Variants in ACOX3 observed in about 807,000 individuals in gnomAD.
ACOX3 encodes peroxisomal acyl-coenzyme A oxidase 3.
Under a neutral mutation model 81.5 loss-of-function variants are expected in ACOX3, and 73 were observed. The observed-to-expected ratio is 0.90, with a 90% CI of 0.74 to 1.09. The LOEUF is 1.09. ACOX3 is among the 50% of genes least tolerant of loss of function. The probability of loss-of-function intolerance (pLI) is 0.00; values close to 1 mark genes in which losing one functional copy is unlikely to be tolerated. For missense variants in ACOX3, 947 were observed against 928.0 expected (o/e 1.02, Z -0.27); for synonymous variants, 387 against 375.1 (o/e 1.03, Z -0.37).
chr4:8,432,639 TGG>T lies in ACOX3; in HGVS notation c.-15+8007_-15+8008del. On this transcript the variant is annotated intron_variant, in intron 1 of 17. Transcript: ENST00000356406. The surrounding 1 kb of genome is among the most constrained non-coding windows in gnomAD (Gnocchi z 6.2). ...TTCTGGCTGAGGCCCTGGAAGGTAATGGGGGCTGCTGTGAAGTGGCTGGAGCC... is the reference window on the plus strand; with the variant it reads ...TTCTGGCTGAGGCCCTGGAAGGTAATGGGCTGCTGTGAAGTGGCTGGAGCC... Among the ~76,000 whole-genome samples the T allele has an allele frequency of 6.6e-6, 1 of 152,178 alleles. No homozygotes were observed. Among genetic ancestry groups the T allele is most frequent in the Non-Finnish European group, 1.5e-5 (1 of 67,994 alleles).
Position 8,415,885 on chromosome 4 carries a change from C to T in ACOX3, c.259G>A (p.Glu87Lys), listed in dbSNP as rs371825392. ...TCTTCGACACTGAGGAAGTCATACT[C>T]GAAGATCCGCTTGCATCGAAGGAAG... is the stretch of plus-strand genomic sequence containing the variant. ...LNFLRCKRIF[E>K]YDFLSVEDMF... The change falls in exon 3 of 18, where the codon GAG becomes AAG. Residue 87 changes from glutamate (E) to lysine (K), a missense_variant. By Grantham distance (56) the Glu-to-Lys change is moderately conservative. Transcript: ENST00000356406. 7.4e-6 allele frequency: 12 copies of T among 1,614,022 alleles called. No homozygotes were observed. Among genetic ancestry groups the T allele is most frequent in the South Asian group, 3.3e-5 (3 of 91,072 alleles).
At chr4:8,424,299 G>A (rs1723240515) in intron 1 of ACOX3, among the ~76,000 whole-genome samples, 2 of 152,238 alleles carry the variant, frequency 1.3e-5, no homozygotes, top group Non-Finnish European at 2.9e-5. Context: ...AAGCAGAAGT[G>A]GCTTTCCAGG....
At chr4:8,360,625 C>G in the ACOX3 span, among the ~76,000 whole-genome samples, 1 of 152,096 alleles carries the variant, frequency 6.6e-6, no homozygotes, top group East Asian at 1.9e-4. Flanking sequence ...GCACCCGCCA[C>G]CACGCCTGGC....
chr4:8,361,488 G>A (rs1166316342), downstream of ACOX3, among the ~76,000 whole-genome samples: 1 of 143,184 alleles, frequency 7.0e-6, no homozygotes, highest in Non-Finnish European at 1.5e-5. Context: ...CAAGCTGAAG[G>A]TTTACGCAAG....
At chr4:8,365,564 A>G (rs1203727338), downstream of ACOX3, among the ~76,000 whole-genome samples, 12 of 152,146 alleles carry the variant, frequency 7.9e-5, no homozygotes, top group African/African-American at 4.8e-5. Context: ...TGTCCAGCCT[A>G]TTGGGACCAG....
chr4:8,408,309 C>T (rs1402960340), intron 6 of ACOX3, among the ~76,000 whole-genome samples: 2 of 152,052 alleles, frequency 1.3e-5, no homozygotes, highest in Admixed American at 6.5e-5. Context: ...GATGCCTGCC[C>T]CTCCGCCCAC....
Position 8,389,258 on chromosome 4 carries a change from C to G in ACOX3, c.1452G>C (p.Lys484Asn). Residue 484 changes from lysine (K) to asparagine (N), a missense_variant, in exon 13 of 18, where the codon AAG becomes AAC. Physicochemically the swap from Lys to Asn is moderately conservative, Grantham distance 94 (BLOSUM62 0). Coordinates refer to ENST00000356406, the MANE Select transcript of ACOX3 (RefSeq NM_003501.3). The surrounding 1 kb of genome is among the most constrained non-coding windows in gnomAD (Gnocchi z 5.3). ...GATAGGCGTCCAGAAAGTCCACTGACTTCAGCGGACTGCGGAAGCAAGCTC... is the reference window on the plus strand; with the variant it reads ...GATAGGCGTCCAGAAAGTCCACTGAGTTCAGCGGACTGCGGAAGCAAGCTC... ...HDGACFRSPLKSVDFLDAYPG... is the reference protein window; with the variant it reads ...HDGACFRSPLNSVDFLDAYPG... 6.2e-7 allele frequency: 1 copy of G among 1,613,530 alleles called. No homozygotes were observed. The highest frequency in any genetic ancestry group is 8.5e-7 in the Non-Finnish European group (1 of 1,179,808).
Position 8,419,265 on chromosome 4 carries a change from C to T in ACOX3, c.-14-2730G>A, listed in dbSNP as rs933159158. 1.3e-5 allele frequency among the ~76,000 whole-genome samples: 2 copies of T among 151,812 alleles called. No individual in the cohort carries two copies. The highest frequency in any genetic ancestry group is 2.9e-5 in the Non-Finnish European group (2 of 67,974). On this transcript the variant is annotated intron_variant, in intron 1 of 17. Coordinates refer to ENST00000356406, the MANE Select transcript of ACOX3 (RefSeq NM_003501.3). This position sits in a 1 kb window ranked among gnomAD's most constrained non-coding sequence, Gnocchi z 4.2. Reference sequence around the variant, plus strand: ...CCTGGCCAACATGGTGAAACCTCATCTCTACTAAAAATACAAAAAAATTAG... The same window carrying T: ...CCTGGCCAACATGGTGAAACCTCATTTCTACTAAAAATACAAAAAAATTAG...
At chr4:8,355,423 G>C in the ACOX3 span, 1 of 152,216 alleles carries the variant, frequency 6.6e-6, no homozygotes, top group African/African-American at 2.4e-5. Flanking sequence ...ATTAAACAGT[G>C]CAGACACAGG....
intron 1 of ACOX3, among the ~76,000 whole-genome samples, chr4:8,426,076 A>C (rs1723450958): frequency 6.6e-6 from 1 of 152,144 alleles, no homozygotes; most frequent in African/African-American, 2.4e-5. Flanking sequence ...GCCCATACGA[A>C]ATGCTGTATG....
At chr4:8,415,322 G>A (rs1722202614) in intron 3 of ACOX3, among the ~76,000 whole-genome samples, 1 of 152,200 alleles carries the variant, frequency 6.6e-6, no homozygotes, top group Admixed American at 6.5e-5. Context: ...AAGGCTAAGG[G>A]CAAAGCCATT....
At chr4:8,375,204 G>A in intron 14 of ACOX3, 52 bp from the exon 15 acceptor site, 2 of 1,469,780 alleles carry the variant, frequency 1.4e-6, no homozygotes, top group Non-Finnish European at 1.8e-6. Flanking sequence ...GCCCCGCCCA[G>A]ATTCCCGGGG....
At chr4:8,426,356 T>C (rs546241925) in intron 1 of ACOX3, among the ~76,000 whole-genome samples, 8 of 152,130 alleles carry the variant, frequency 5.3e-5, no homozygotes, top group South Asian at 4.2e-4. Flanking sequence ...AGTGGAGTCT[T>C]AGACACATCA....
chr4:8,435,022 C>G (rs994919259), intron 1 of ACOX3, among the ~76,000 whole-genome samples: 1 of 152,142 alleles, frequency 6.6e-6, no homozygotes, highest in African/African-American at 2.4e-5. Context: ...ACAAAGTAAG[C>G]CCACTCCGCT....
chr4:8,396,090 C>G (rs573776735), intron 9 of ACOX3, among the ~76,000 whole-genome samples: 23 of 152,320 alleles, frequency 1.5e-4, no homozygotes, highest in Non-Finnish European at 3.1e-4. Flanking sequence ...TGTGCTTTTC[C>G]ACGCTGCTGC....
At position 8,396,993 on chromosome 4, in the gene ACOX3, G is replaced by T. The variant is rs756597616; in HGVS notation, c.1000C>A (p.Arg334Ser). 10 of 1,611,932 alleles carry T rather than the reference G, an allele frequency of 6.2e-6. 2 individuals carry two copies. The South Asian group carries it at 8.8e-5, about 14-fold the overall frequency. ...AIALRFSATR[R>S]QFGPTEEEEI... ...TCCTCCTCTGTGGGTCCAAACTGAC[G>T]CCGAGTGGCTGAGAAGCGAAGAGCG... is the stretch of plus-strand genomic sequence containing the variant. The change falls in exon 9 of 18, where the codon CGT becomes AGT. Residue 334 changes from arginine to serine, a missense_variant. Arg to Ser is a moderately radical substitution (Grantham distance 110). Coordinates refer to ENST00000356406, the MANE Select transcript of ACOX3 (RefSeq NM_003501.3).
At chr4:8,398,629 C>T (rs1483730319) in intron 8 of ACOX3, among the ~76,000 whole-genome samples, 1 of 152,180 alleles carries the variant, frequency 6.6e-6, no homozygotes, top group East Asian at 1.9e-4. Flanking sequence ...GCACACGCTA[C>T]CATGCCCGGC....
chr4:8,415,370 A>C (rs1428805566), intron 3 of ACOX3, among the ~76,000 whole-genome samples: 1 of 152,144 alleles, frequency 6.6e-6, no homozygotes, highest in East Asian at 1.9e-4. Context: ...TTACAAAGGA[A>C]GGAAAAACAC....
intron 14 of ACOX3, among the ~76,000 whole-genome samples, chr4:8,377,846 C>T (rs768194415): frequency 3.3e-5 from 5 of 152,226 alleles, no homozygotes; most frequent in African/African-American, 9.6e-5. Context: ...CCCTCCCCCA[C>T]GGACAAAGTG....
Sources: gnomAD v4.1 joint callset for allele counts (sites outside exome capture counted in the v4.1 genomes callset) on GRCh38, gnomAD v4.1.1 for gene constraint, Gnocchi (gnomAD v3.1) non-coding constraint, MANE v1.5 for transcripts, NCBI Gene and HGNC (gene_info 2026-07-23, HGNC 2026-07-21) for gene names.